The following PRKG1 variants were observed in gnomAD, a reference collection of about 807,000 sequenced individuals.
PRKG1 encodes protein kinase cGMP-dependent 1.
Under a neutral mutation model 88.1 loss-of-function variants are expected in PRKG1, and 35 were observed. The observed-to-expected ratio is 0.40, with a 90% CI of 0.30 to 0.53. The LOEUF is 0.53. PRKG1 is among the 20% of genes least tolerant of loss of function. The pLI is 0.59. For missense variants in PRKG1, 540 were observed against 839.8 expected (o/e 0.64, Z 4.41); for synonymous variants, 303 against 292.5 (o/e 1.04, Z -0.37).
intron 2 of PRKG1, among the ~76,000 whole-genome samples, chr10:51,244,612 G>C (rs1027782384): frequency 3.3e-5 from 5 of 151,844 alleles, no homozygotes; most frequent in Non-Finnish European, 7.4e-5. Context: ...ACACAGTAAG[G>C]TTTTTGTTTT....
At chr10:51,505,048 C>A (rs566473593) in intron 3 of PRKG1, among the ~76,000 whole-genome samples, 72 of 152,282 alleles carry the variant, frequency 4.7e-4, no homozygotes, top group African/African-American at 1.7e-3. Context: ...CTGTCTTGTG[C>A]CCGTTTTCAA....
chr10:51,153,400 G>T, intron 2 of PRKG1, 70 bp downstream of exon 2: 1 of 1,373,304 alleles, frequency 7.3e-7, no homozygotes, highest in Non-Finnish European at 9.7e-7. Flanking sequence ...GCACACAGAT[G>T]GCAATGCATT....
intron 7 of PRKG1, among the ~76,000 whole-genome samples, chr10:52,066,187 T>C (rs1451242880): frequency 6.6e-6 from 1 of 152,200 alleles, no homozygotes; most frequent in African/African-American, 2.4e-5. Context: ...TTCTCAGCCA[T>C]GATTTTACAT....
chr10:52,110,642 T>C (rs551598234), intron 7 of PRKG1, among the ~76,000 whole-genome samples: 28 of 152,082 alleles, frequency 1.8e-4, no homozygotes, highest in Non-Finnish European at 3.7e-4. Flanking sequence ...AGCCGAGACA[T>C]AGTTTAGAGC....
intron 3 of PRKG1, among the ~76,000 whole-genome samples, chr10:51,712,975 GTTTTTTT>G (rs10593003): frequency 1.3e-5 from 2 of 149,480 alleles, no homozygotes; most frequent in Non-Finnish European, 3.0e-5. Flanking sequence ...CTCTATGAGG[GTTTTTTT>G]TTTTGATGGA....
intron 2 of PRKG1, among the ~76,000 whole-genome samples, chr10:51,436,836 G>A (rs552582606): frequency 6.6e-6 from 1 of 152,068 alleles, no homozygotes. Flanking sequence ...CATCACTAGA[G>A]ACCTGTAAGC....
chr10:51,866,410 T>C (rs1841015898), intron 4 of PRKG1, among the ~76,000 whole-genome samples: 1 of 152,040 alleles, frequency 6.6e-6, no homozygotes, highest in Admixed American at 6.6e-5. Context: ...GAAAGAAATA[T>C]TGCCAAACAT....
rs544445649 is a variant in PRKG1 at position 52,148,851 on chromosome 10, A to G, written c.1002-13038A>G. 2.0e-5 allele frequency among the ~76,000 whole-genome samples: 3 copies of G among 152,218 alleles called. No homozygotes were observed. The South Asian group carries it at 6.2e-4, about 32-fold the overall frequency. On this transcript the variant is annotated intron_variant, in intron 8 of 17. Coordinates refer to ENST00000373980, the MANE Select transcript of PRKG1 (RefSeq NM_006258.4). ...TAATAAGGGTGAAAGAAAGATGGGA[A>G]TAGAATTCCAGGCAGCAATAGGCTG...
chr10:51,393,377 C>G lies in PRKG1; in HGVS notation c.479-74346C>G, dbSNP rs1340964052. 2.0e-5 allele frequency among the ~76,000 whole-genome samples: 3 copies of G among 147,298 alleles called. No homozygotes were observed. In the East Asian group the frequency reaches 6.2e-4, roughly 30 times the overall value. ...GCAGAGATGTTCCTCACTTTCCAGA[C>G]TGGGCAGCCAGGCAGAGGGACTCCT... On this transcript the variant is annotated intron_variant, in intron 2 of 17. Transcript: ENST00000373980.
intron 9 of PRKG1, among the ~76,000 whole-genome samples, chr10:52,185,514 C>A (rs1309835407): frequency 6.6e-6 from 1 of 152,112 alleles, no homozygotes; most frequent in East Asian, 1.9e-4. Flanking sequence ...TGTGGCTGTA[C>A]CCTTCTGGGA....
intron 5 of PRKG1, among the ~76,000 whole-genome samples, chr10:52,015,828 G>A (rs546977061): frequency 6.6e-6 from 1 of 152,278 alleles, no homozygotes; most frequent in Admixed American, 6.5e-5. Context: ...CAAGTTCAAA[G>A]TTCAACGGAT....
At chr10:51,435,410 A>C (rs1838894526) in intron 2 of PRKG1, among the ~76,000 whole-genome samples, 1 of 139,968 alleles carries the variant, frequency 7.1e-6, no homozygotes, top group South Asian at 2.3e-4. Context: ...CAGGGACACC[A>C]AGGGACATTA....
At chr10:52,196,405 A>G (rs560772794) in intron 9 of PRKG1, among the ~76,000 whole-genome samples, 1 of 152,320 alleles carries the variant, frequency 6.6e-6, no homozygotes, top group African/African-American at 2.4e-5. Flanking sequence ...ATAATTCAAA[A>G]TGTAGGTGTT....
At chr10:51,275,598 A>G (rs1005710613) in intron 2 of PRKG1, among the ~76,000 whole-genome samples, 1 of 152,238 alleles carries the variant, frequency 6.6e-6, no homozygotes, top group African/African-American at 2.4e-5. Context: ...TTAAGAATAT[A>G]ATTTAATTTT....
At chr10:51,976,004 A>G (rs1453671223) in intron 5 of PRKG1, among the ~76,000 whole-genome samples, 5 of 152,082 alleles carry the variant, frequency 3.3e-5, no homozygotes, top group African/African-American at 7.2e-5. Flanking sequence ...GCCAATAAGC[A>G]TATCAAAAGG....
At chr10:51,758,150 A>G (rs1380264958) in intron 3 of PRKG1, among the ~76,000 whole-genome samples, 1 of 152,144 alleles carries the variant, frequency 6.6e-6, no homozygotes, top group African/African-American at 2.4e-5. Context: ...AATTTAAACT[A>G]TGTGCTTATG....
intron 5 of PRKG1, among the ~76,000 whole-genome samples, chr10:51,998,664 G>A (rs1270174531): frequency 6.6e-6 from 1 of 152,012 alleles, no homozygotes; most frequent in Non-Finnish European, 1.5e-5. Context: ...TTAAATCTGA[G>A]TGAAGCATAC....
At position 52,251,484 on chromosome 10, in the gene PRKG1, C is replaced by T. The variant is rs1343615886; in HGVS notation, c.1077-86C>T. ...ATGTAAGCAGGTAAACCCTGTTCCA[C>T]AGTCATGTCATTCTGGTACAGATGT... is the stretch of plus-strand genomic sequence containing the variant. On this transcript the variant is annotated intron_variant, in intron 9 of 17. Coordinates refer to ENST00000373980, the MANE Select transcript of PRKG1 (RefSeq NM_006258.4). 7 of 1,022,258 alleles carry T rather than the reference C, an allele frequency of 6.8e-6. No homozygotes were observed. The East Asian group carries it at 1.5e-4, about 21-fold the overall frequency. 63.3% of individuals were successfully genotyped at this position (1,022,258 alleles called of 1,614,324 possible). A position where few individuals can be genotyped will look rare whatever the true frequency, so the allele number is the denominator to read the frequency against.
intron 3 of PRKG1, among the ~76,000 whole-genome samples, chr10:51,555,877 C>G (rs1420483612): frequency 6.6e-6 from 1 of 151,946 alleles, no homozygotes; most frequent in Admixed American, 6.6e-5. Context: ...CCCCCTACAT[C>G]TGAAGTTACC....
Sources: allele counts gnomAD v4.1 joint callset (sites outside exome capture counted in the v4.1 genomes callset), GRCh38; gene constraint gnomAD v4.1.1; transcripts MANE v1.5; gene names NCBI Gene and HGNC (gene_info 2026-07-23, HGNC 2026-07-21).